Variants in KIAA0319 observed in about 807,000 individuals in gnomAD.
KIAA0319 encodes the protein KIAA0319.
KIAA0319 carries 83 observed loss-of-function variants against 108.4 expected under a neutral mutation model. That is an observed-to-expected ratio of 0.77 (90% CI 0.64 to 0.92). The LOEUF is 0.92. Among genes scored for constraint, KIAA0319 ranks in the 40% least tolerant of loss-of-function variants. The pLI, the probability that KIAA0319 is intolerant of heterozygous loss-of-function variation, is 0.00. For missense variants in KIAA0319, 1,195 were observed against 1,322.4 expected, an observed-to-expected ratio of 0.90 and a Z score of 1.49; for synonymous variants, 484 against 510.4, an observed-to-expected ratio of 0.95 and a Z score of 0.70.
chr6:24,560,918 T>C (rs1446202448), intron 16 of KIAA0319, among the ~76,000 whole-genome samples: 1 of 152,216 alleles, frequency 6.6e-6, no homozygotes, highest in South Asian at 2.1e-4. Flanking sequence ...AGGGGGTGGA[T>C]ATAATTCAAC....
chr6:24,609,607 T>A (rs1184988799), intron 1 of KIAA0319, among the ~76,000 whole-genome samples: 2 of 150,794 alleles, frequency 1.3e-5, no homozygotes, highest in Non-Finnish European at 3.0e-5. Flanking sequence ...CAAACAAAAA[T>A]CAGTGGAGAA....
At position 24,596,614 on chromosome 6, in the gene KIAA0319, A is replaced by C. The variant is rs1284847413; in HGVS notation, c.60T>G (p.Cys20Trp). The C allele has an allele frequency of 6.2e-7, 1 of 1,600,666 alleles. No individual in the cohort carries two copies. The highest frequency in any genetic ancestry group is 2.2e-5 in the East Asian group (1 of 44,598). Reference sequence around the variant, plus strand: ...TCCCCTCGCTGCACTGCTTACGGGCACAACCTTTAAACAAAGTAGTTTCTA... The same window carrying C: ...TCCCCTCGCTGCACTGCTTACGGGCCCAACCTTTAAACAAAGTAGTTTCTA... ...SLLLLVTIAG[C>W]ARKQCSEGRT... The change falls in exon 3 of 21, where the codon TGT (cysteine) becomes TGG (tryptophan). Residue 20 changes from cysteine (C) to tryptophan (W), a missense_variant. By Grantham distance (215) the Cys-to-Trp change is radical. Coordinates refer to ENST00000378214, the MANE Select transcript of KIAA0319 (RefSeq NM_014809.4).
chr6:24,580,749 G>A (rs929123595), intron 7 of KIAA0319, among the ~76,000 whole-genome samples, 177 bp downstream of exon 7: 3 of 150,780 alleles, frequency 2.0e-5, no homozygotes, highest in Admixed American at 6.6e-5. Context: ...AGTGTTATGC[G>A]AAAGGTAGAA....
chr6:24,540,538 G>A (rs1041581351), downstream of KIAA0319, among the ~76,000 whole-genome samples: 4 of 152,148 alleles, frequency 2.6e-5, no homozygotes, highest in African/African-American at 9.7e-5. Flanking sequence ...GAATGGAGGT[G>A]ATAATACTCT....
chr6:24,601,529 A>G (rs1770621698), intron 1 of KIAA0319, among the ~76,000 whole-genome samples: 1 of 152,236 alleles, frequency 6.6e-6, no homozygotes, highest in Non-Finnish European at 1.5e-5. Flanking sequence ...TTTTTGGCAG[A>G]GACTCAAAGA....
In KIAA0319 at chr6:24,582,253, G is replaced by C. The variant is rs757189388; in HGVS notation, c.1187C>G (p.Ser396Cys). 73 of 1,571,888 alleles carry C rather than the reference G, an allele frequency of 4.6e-5. No individual in the cohort carries two copies. The East Asian group carries it at 1.6e-3, about 35-fold the overall frequency. Residue 396 changes from serine to cysteine, a missense_variant, in exon 6 of 21, where the codon TCT becomes TGT. Coordinates refer to ENST00000378214, the MANE Select transcript of KIAA0319 (RefSeq NM_014809.4). ...AACCAGTCTCCAGTTACTTACTTGAGAGAGGTTAAGAGTTTGCTTGTGTCC... is the reference window on the plus strand; with the variant it reads ...AACCAGTCTCCAGTTACTTACTTGACAGAGGTTAAGAGTTTGCTTGTGTCC... ...KQGHKQTLNL[S>C]QLSVGLYVFK... is the part of the protein sequence containing the mutation.
At chr6:24,582,825 GTTTA>G (rs1398508975) in intron 5 of KIAA0319, among the ~76,000 whole-genome samples, 4 of 152,016 alleles carry the variant, frequency 2.6e-5, no homozygotes, top group East Asian at 1.9e-4. Context: ...TGTTGTAGGG[GTTTA>G]TTTAAGGACA....
intron 1 of KIAA0319, among the ~76,000 whole-genome samples, chr6:24,641,935 G>A (rs1776947748): frequency 6.6e-6 from 1 of 151,434 alleles, no homozygotes; most frequent in Admixed American, 6.6e-5. Flanking sequence ...AGGAGGCTGA[G>A]GTGGGAGGAG....
Position 24,572,742 on chromosome 6 carries a change from AAAGT to A in KIAA0319, c.1735-48_1735-45del, listed in dbSNP as rs778070382. On this transcript the variant is annotated intron_variant, in intron 10 of 20. Transcript: ENST00000378214. ...AAAAATAAAAACAAAACAAAACAAAAAAGTAAAGAAGCACAAGTAAATAGTATGA... is the reference window on the plus strand; with the variant it reads ...AAAAATAAAAACAAAACAAAACAAAAAAAGAAGCACAAGTAAATAGTATGA... The A allele has an allele frequency of 3.3e-5, 51 of 1,540,874 alleles. No individual in the cohort carries two copies. In the African/African-American group the frequency reaches 3.9e-4, roughly 12 times the overall value.
At chr6:24,573,982 G>A (rs1290333267) in intron 10 of KIAA0319, among the ~76,000 whole-genome samples, 1 of 152,054 alleles carries the variant, frequency 6.6e-6, no homozygotes, top group Non-Finnish European at 1.5e-5. Flanking sequence ...GGGCGTGGTG[G>A]CAGGCACCTG....
chr6:24,565,246 C>T (rs1365689008), intron 14 of KIAA0319, among the ~76,000 whole-genome samples: 5 of 148,898 alleles, frequency 3.4e-5, no homozygotes, highest in Admixed American at 1.3e-4. Context: ...GAGCGAGACT[C>T]GGACTCAAAA....
chr6:24,620,548 GC>G, intron 1 of KIAA0319, among the ~76,000 whole-genome samples: 1 of 152,124 alleles, frequency 6.6e-6, no homozygotes, highest in Non-Finnish European at 1.5e-5. Flanking sequence ...TGATTTGCCT[GC>G]CCCGGCCTCC....
chr6:24,582,543 C>T (rs1484661522), intron 5 of KIAA0319, among the ~76,000 whole-genome samples, 197 bp from the exon 6 acceptor site: 1 of 149,132 alleles, frequency 6.7e-6, no homozygotes, highest in Non-Finnish European at 1.5e-5. Context: ...TTGTTATCAT[C>T]TTATGAACTT....
At chr6:24,626,616 A>G (rs978042436) in intron 1 of KIAA0319, among the ~76,000 whole-genome samples, 1 of 152,370 alleles carries the variant, frequency 6.6e-6, no homozygotes, top group East Asian at 1.9e-4. Flanking sequence ...TATACTTTAC[A>G]TGGGTAAATG....
At chr6:24,621,659 A>T (rs537539809) in intron 1 of KIAA0319, among the ~76,000 whole-genome samples, 1 of 152,348 alleles carries the variant, frequency 6.6e-6, no homozygotes, top group South Asian at 2.1e-4. Context: ...ACATAAGAAC[A>T]GACAAAAGAA....
chr6:24,568,986 C>G, intron 12 of KIAA0319, 57 bp from the exon 13 acceptor site: 2 of 1,545,406 alleles, frequency 1.3e-6, no homozygotes, highest in Non-Finnish European at 1.8e-6. Flanking sequence ...TTGAATATGA[C>G]AGGCATGCGA....
At chr6:24,596,966 T>A (rs1350326205) in intron 2 of KIAA0319, among the ~76,000 whole-genome samples, 7 of 151,842 alleles carry the variant, frequency 4.6e-5, no homozygotes, top group Non-Finnish European at 1.0e-4. Flanking sequence ...CATCCATCCA[T>A]CCATCCACCC....
intron 13 of KIAA0319, among the ~76,000 whole-genome samples, chr6:24,567,254 C>G (rs1446233553): frequency 6.6e-6 from 1 of 152,034 alleles, no homozygotes; most frequent in Non-Finnish European, 1.5e-5. Context: ...GTAATCCCAG[C>G]ACTTTAGGAG....
At chr6:24,606,521 G>A (rs1771432927) in intron 1 of KIAA0319, among the ~76,000 whole-genome samples, 1 of 152,208 alleles carries the variant, frequency 6.6e-6, no homozygotes, top group Admixed American at 6.5e-5. Context: ...AGTACTGATG[G>A]ATCACTTCCT....
Sources: allele counts gnomAD v4.1 joint callset (sites outside exome capture counted in the v4.1 genomes callset), GRCh38; gene constraint gnomAD v4.1.1; transcripts MANE v1.5; gene names NCBI Gene and HGNC (gene_info 2026-07-23, HGNC 2026-07-21).